NDRG3: variants seen among roughly 807,000 people sequenced by gnomAD.
NDRG3 encodes NDRG family member 3.
NDRG3 carries 23 observed loss-of-function variants against 57.2 expected under a neutral mutation model. The ratio of observed to expected loss-of-function variants is 0.40; its 90% CI spans 0.29 to 0.57. NDRG3 has a LOEUF of 0.57. Ranked by LOEUF, NDRG3 falls within the 20% of genes least tolerant of loss-of-function variation. The pLI, the probability that NDRG3 is intolerant of heterozygous loss-of-function variation, is 0.42. For synonymous variants in NDRG3, 132 were observed against 162.6 expected, an observed-to-expected ratio of 0.81 and a Z score of 1.43; for missense variants, 384 against 457.3, an observed-to-expected ratio of 0.84 and a Z score of 1.46.
chr20:36,675,340 A>G (rs1482835451), intron 8 of NDRG3, among the ~76,000 whole-genome samples: 8 of 132,388 alleles, frequency 6.0e-5, no homozygotes, highest in Non-Finnish European at 1.2e-4. Flanking sequence ...GATTACAGGC[A>G]TGAGCCACCT....
chr20:36,732,145 A>G lies in NDRG3; in HGVS notation c.-48-10362T>C, dbSNP rs566905699. On this transcript the variant is annotated intron_variant, in intron 1 of 15. Transcript: ENST00000349004. ...CAAACTAAATAAATAAATAATAGAA[A>G]TATAGAATCTAACATTTCTGAATTG... is the stretch of plus-strand genomic sequence containing the variant. 2.0e-5 allele frequency among the ~76,000 whole-genome samples: 3 copies of G among 152,260 alleles called. No individual in the cohort carries two copies. In the East Asian group the frequency reaches 5.8e-4, roughly 29 times the overall value.
rs941453385 is a variant in NDRG3, at chr20:36,700,533, G to C, written c.93+6439C>G. ...TGAATGTGCAGAGACCCTGGCTAAG[G>C]AGCTGATTCAGTTGTCAGGCCACTG... is the stretch of plus-strand genomic sequence containing the variant. On this transcript the variant is annotated intron_variant, in intron 3 of 15. Coordinates refer to ENST00000349004, the MANE Select transcript of NDRG3 (RefSeq NM_032013.4). The C allele has an allele frequency of 1.9e-5, 10 of 525,166 alleles. No homozygotes were observed. The African/African-American group carries it at 1.9e-4, about 10-fold the overall frequency. 32.5% of individuals were successfully genotyped at this position (525,166 alleles called of 1,614,324 possible).
intron 3 of NDRG3, among the ~76,000 whole-genome samples, chr20:36,692,033 A>G (rs913272127): frequency 1.3e-5 from 2 of 152,200 alleles, no homozygotes; most frequent in Non-Finnish European, 2.9e-5. Context: ...TATAAAAGAA[A>G]CAACTAGGGT....
At chr20:36,660,717 C>T (rs1269451621) in intron 12 of NDRG3, among the ~76,000 whole-genome samples, 1 of 151,830 alleles carries the variant, frequency 6.6e-6, no homozygotes, top group Non-Finnish European at 1.5e-5. Context: ...CCCGCTACCA[C>T]GCCCGGCTAA....
intron 2 of NDRG3, among the ~76,000 whole-genome samples, chr20:36,709,432 G>A (rs947883481): frequency 6.6e-6 from 1 of 152,194 alleles, no homozygotes; most frequent in Non-Finnish European, 1.5e-5. Context: ...AGATGCCACT[G>A]AGAATGGGCA....
intron 2 of NDRG3, 118 bp downstream of exon 2, chr20:36,721,561 C>G: frequency 4.8e-6 from 3 of 629,766 alleles, no homozygotes; most frequent in African/African-American, 1.9e-5. Context: ...TAAAGTATTC[C>G]TTTCATTGAA....
chr20:36,712,781 G>A (rs1388160397), intron 2 of NDRG3, among the ~76,000 whole-genome samples: 2 of 150,632 alleles, frequency 1.3e-5, no homozygotes, highest in Non-Finnish European at 3.0e-5. Context: ...GTTTTAATAG[G>A]GACAGGGTTT....
At chr20:36,680,409 C>T (rs375879139) in intron 8 of NDRG3, among the ~76,000 whole-genome samples, 2 of 150,788 alleles carry the variant, frequency 1.3e-5, no homozygotes, top group Non-Finnish European at 1.5e-5. Flanking sequence ...TTGCTTGAAC[C>T]GGGAGGTGGA....
chr20:36,736,034 A>G (rs78120103), intron 1 of NDRG3, among the ~76,000 whole-genome samples: 34 of 151,948 alleles, frequency 2.2e-4, no homozygotes, highest in Admixed American at 2.6e-4. Context: ...TATAGCTGGG[A>G]AAGAAGACAA....
chr20:36,729,354 T>A (rs1985137352), intron 1 of NDRG3, among the ~76,000 whole-genome samples: 1 of 152,188 alleles, frequency 6.6e-6, no homozygotes, highest in Non-Finnish European at 1.5e-5. Context: ...CAAGGGCTAT[T>A]TCTTGCTTGT....
chr20:36,661,963 A>C (rs1193236828), intron 12 of NDRG3, among the ~76,000 whole-genome samples: 1 of 152,222 alleles, frequency 6.6e-6, no homozygotes, highest in Non-Finnish European at 1.5e-5. Context: ...AGGACAATGC[A>C]GGCAGTGACA....
At chr20:36,693,208 G>GTA (rs1254212682) in intron 3 of NDRG3, among the ~76,000 whole-genome samples, 6 of 115,878 alleles carry the variant, frequency 5.2e-5, no homozygotes, top group East Asian at 5.3e-4. Context: ...ATATATATGT[G>GTA]TATATATATG....
At chr20:36,714,770 C>G (rs1287708287) in intron 2 of NDRG3, among the ~76,000 whole-genome samples, 2 of 151,290 alleles carry the variant, frequency 1.3e-5, no homozygotes, top group African/African-American at 2.4e-5. Flanking sequence ...CGTGCCACCA[C>G]GCCCGGCTAA....
At chr20:36,719,151 G>A (rs992082567) in intron 2 of NDRG3, among the ~76,000 whole-genome samples, 4 of 152,092 alleles carry the variant, frequency 2.6e-5, no homozygotes, top group Admixed American at 6.6e-5. Flanking sequence ...TGCAGTGGCC[G>A]GGCGTGGAAG....
intron 1 of NDRG3, among the ~76,000 whole-genome samples, chr20:36,726,913 TC>T (rs566647999): frequency 0.064 from 8,989 of 139,648 alleles, 961 homozygotes; most frequent in African/African-American, 0.21. Flanking sequence ...TATCTTTCTT[TC>T]TTTTTTTTTT....
intron 2 of NDRG3, among the ~76,000 whole-genome samples, chr20:36,721,367 A>G (rs1984580185): frequency 6.6e-6 from 1 of 151,770 alleles, no homozygotes; most frequent in Non-Finnish European, 1.5e-5. Flanking sequence ...TGTCTCTACT[A>G]AAAATACAAA....
chr20:36,721,181 T>A (rs775142639), intron 2 of NDRG3, among the ~76,000 whole-genome samples: 1 of 151,792 alleles, frequency 6.6e-6, no homozygotes, highest in Admixed American at 6.6e-5. Context: ...ACGTGGCTCA[T>A]GGAAACAAAA....
intron 1 of NDRG3, among the ~76,000 whole-genome samples, chr20:36,739,442 G>C (rs866305810): frequency 1.5e-5 from 2 of 132,392 alleles, no homozygotes; most frequent in South Asian, 2.4e-4. Context: ...GTGAGACTCC[G>C]CCTCAAAAAA....
chr20:36,660,599 C>T (rs1347803785), intron 12 of NDRG3, among the ~76,000 whole-genome samples: 1 of 149,760 alleles, frequency 6.7e-6, no homozygotes, highest in Non-Finnish European at 1.5e-5. Context: ...CTCGCTCTGT[C>T]GCCCAGGCTG....
Sources: allele counts gnomAD v4.1 joint callset (sites outside exome capture counted in the v4.1 genomes callset), GRCh38; gene constraint gnomAD v4.1.1; transcripts MANE v1.5; gene names NCBI Gene and HGNC (gene_info 2026-07-23, HGNC 2026-07-21).